The following PDIA6 variants were observed in gnomAD, a reference collection of about 807,000 sequenced individuals.
The protein encoded by PDIA6 is protein disulfide isomerase family A member 6, also known as protein disulfide-isomerase A6.
A neutral mutation model predicts 58.4 loss-of-function variants in PDIA6; 29 were observed. That is an observed-to-expected ratio of 0.50 (90% CI 0.37 to 0.68). The LOEUF (loss-of-function observed/expected upper bound fraction) is 0.68. PDIA6 is among the 30% of genes least tolerant of loss of function. The pLI, the probability that PDIA6 is intolerant of heterozygous loss-of-function variation, is 0.00. For synonymous variants in PDIA6, 192 were observed against 202.6 expected (o/e 0.95, Z 0.44); for missense variants, 480 against 551.0 (o/e 0.87, Z 1.29).
intron 1 of PDIA6, among the ~76,000 whole-genome samples, chr2:10,809,644 T>G (rs1375946483): frequency 3.4e-4 from 1 of 2,944 alleles, no homozygotes; most frequent in African/African-American, 6.7e-4. Context: ...AGACCCGGTC[T>G]CAAAAAAAAA....
intron 1 of PDIA6, chr2:10,819,393 A>T (rs1667317539): frequency 6.7e-6 from 8 of 1,187,550 alleles, no homozygotes; most frequent in Non-Finnish European, 9.8e-6. Context: ...TGAGGTGGGG[A>T]TGGGGAAACT....
chr2:10,812,331 C>T (rs1175488371), intron 1 of PDIA6, among the ~76,000 whole-genome samples: 4 of 135,674 alleles, frequency 2.9e-5, no homozygotes, highest in Admixed American at 7.2e-5. Context: ...GGAACAAGCT[C>T]CCCTGCGACT....
upstream of PDIA6, among the ~76,000 whole-genome samples, chr2:10,814,474 C>T (rs1667130371): frequency 6.6e-6 from 1 of 152,218 alleles, no homozygotes; most frequent in South Asian, 2.1e-4. Flanking sequence ...CAGTGGACTG[C>T]GAGCCTGTTC....
chr2:10,784,896 G>T, intron 12 of PDIA6, 38 bp downstream of exon 12: 1 of 1,404,746 alleles, frequency 7.1e-7, no homozygotes, highest in Non-Finnish European at 9.9e-7. Context: ...GAGTAAACCA[G>T]GACTGCTGCC....
chr2:10,829,081 C>T (rs942691057), intron 1 of PDIA6, among the ~76,000 whole-genome samples: 7 of 152,214 alleles, frequency 4.6e-5, no homozygotes, highest in East Asian at 1.9e-4. Flanking sequence ...AACAGGTCTT[C>T]GTGCCCTTCT....
At chr2:10,799,580 A>C (rs1666415503) in intron 2 of PDIA6, among the ~76,000 whole-genome samples, 2 of 152,258 alleles carry the variant, frequency 1.3e-5, no homozygotes, top group Admixed American at 1.3e-4. Flanking sequence ...CAATCCCAGT[A>C]TCTGAAGTTA....
chr2:10,813,782 C>T (rs992852935), upstream of PDIA6, among the ~76,000 whole-genome samples: 5 of 151,760 alleles, frequency 3.3e-5, no homozygotes, highest in East Asian at 9.7e-4. Context: ...ATGACAGGTG[C>T]ATGTCACCAC....
upstream of PDIA6, among the ~76,000 whole-genome samples, chr2:10,836,388 CTA>C (rs1421515547): frequency 3.3e-5 from 5 of 151,910 alleles, no homozygotes; most frequent in Non-Finnish European, 5.9e-5. Flanking sequence ...ATTTATGTAT[CTA>C]TTTTTAGAGA....
chr2:10,785,047 C>A lies in PDIA6; in HGVS notation c.1158-17G>T. 6.8e-7 allele frequency: 1 copy of A among 1,479,124 alleles called. No homozygotes were observed. The highest frequency in any genetic ancestry group is 1.2e-5 in the South Asian group (1 of 83,216). The allele number at this position is 1,479,124 out of a possible 1,614,324, so 91.6% of individuals were successfully genotyped here. Reference sequence around the variant, plus strand: ...GAGAGCTCCCTTAGGGAAAAATGACCAAAACACACACACACATTTACAATG... The same window carrying A: ...GAGAGCTCCCTTAGGGAAAAATGACAAAAACACACACACACATTTACAATG... On this transcript the variant is annotated splice_polypyrimidine_tract_variant and intron_variant, in intron 11 of 12. Coordinates refer to ENST00000272227, the MANE Select transcript of PDIA6 (RefSeq NM_005742.4).
chr2:10,786,531 C>T (rs760463360), intron 11 of PDIA6, among the ~76,000 whole-genome samples: 5 of 124,694 alleles, frequency 4.0e-5, no homozygotes, highest in South Asian at 2.1e-4. Flanking sequence ...CACACACACA[C>T]GTCTCCACAC....
At chr2:10,836,038 G>C (rs1667825390), upstream of PDIA6, among the ~76,000 whole-genome samples, 1 of 145,258 alleles carries the variant, frequency 6.9e-6, no homozygotes, top group South Asian at 2.3e-4. Flanking sequence ...GGACAACAGG[G>C]CAAGACTCTG....
At chr2:10,793,811 T>C (rs1255341121) in intron 4 of PDIA6, among the ~76,000 whole-genome samples, 3 of 152,188 alleles carry the variant, frequency 2.0e-5, no homozygotes, top group Non-Finnish European at 4.4e-5. Context: ...CAGGGGAATT[T>C]CCCAAATAAA....
At chr2:10,806,051 A>G (rs570288457) in intron 1 of PDIA6, among the ~76,000 whole-genome samples, 23 of 147,270 alleles carry the variant, frequency 1.6e-4, no homozygotes, top group African/African-American at 4.4e-4. Context: ...AAAACGAAAA[A>G]AACCTTACAG....
chr2:10,797,052 G>T, intron 4 of PDIA6, 29 bp downstream of exon 4: 3 of 1,606,076 alleles, frequency 1.9e-6, no homozygotes, highest in Non-Finnish European at 2.6e-6. Flanking sequence ...GTCTACCAGG[G>T]GAATGAAGTA....
chr2:10,822,508 C>T (rs945601115), intron 1 of PDIA6, among the ~76,000 whole-genome samples: 3 of 152,106 alleles, frequency 2.0e-5, no homozygotes, highest in African/African-American at 4.8e-5. Flanking sequence ...GTGATCCACC[C>T]GCCTCAGCCT....
At chr2:10,826,800 C>G (rs1248024824) in intron 1 of PDIA6, among the ~76,000 whole-genome samples, 1 of 152,188 alleles carries the variant, frequency 6.6e-6, no homozygotes, top group Non-Finnish European at 1.5e-5. Flanking sequence ...CCTTTAAGAG[C>G]CTGCCTCTGA....
chr2:10,787,235 CCAAA>C (rs766436051), intron 11 of PDIA6, 42 bp downstream of exon 11: 36 of 1,562,962 alleles, frequency 2.3e-5, no homozygotes, highest in Middle Eastern at 1.7e-4. Context: ...TACAACAGAA[CCAAA>C]CAAACAGACA....
At chr2:10,836,449 G>A (rs947531249), upstream of PDIA6, among the ~76,000 whole-genome samples, 2 of 151,982 alleles carry the variant, frequency 1.3e-5, no homozygotes, top group African/African-American at 4.8e-5. Context: ...CTGAACTCAA[G>A]CAGTCAGCCC....
At chr2:10,813,881 C>T (rs192401082), upstream of PDIA6, among the ~76,000 whole-genome samples, 469 of 151,986 alleles carry the variant, frequency 3.1e-3, 8 homozygotes, top group African/African-American at 0.011. Flanking sequence ...CATGTCACCA[C>T]GCCCGGCTAA....
Sources: allele counts gnomAD v4.1 joint callset (sites outside exome capture counted in the v4.1 genomes callset), GRCh38; gene constraint gnomAD v4.1.1; transcripts MANE v1.5; gene names NCBI Gene and HGNC (gene_info 2026-07-23, HGNC 2026-07-21).